Variants in LRP1B observed in about 807,000 individuals in gnomAD.
LRP1B encodes the protein LDL receptor related protein 1B, also known as low-density lipoprotein receptor-related protein 1B.
In LRP1B, 217 loss-of-function variants were observed where a neutral mutation model predicts 556.6. That is an observed-to-expected ratio of 0.39 (90% CI 0.35 to 0.44). The LOEUF is 0.44. Among genes scored for constraint, LRP1B ranks in the 20% least tolerant of loss-of-function variants. LRP1B has a pLI of 1.00. For missense variants in LRP1B, 5,053 were observed against 5,620.8 expected, an observed-to-expected ratio of 0.90 and a Z score of 3.23; for synonymous variants, 2,047 against 1,865.8, an observed-to-expected ratio of 1.10 and a Z score of -2.50.
intron 21 of LRP1B, among the ~76,000 whole-genome samples, chr2:140,919,520 G>A (rs1224240380): frequency 6.6e-6 from 1 of 151,922 alleles, no homozygotes; most frequent in African/African-American, 2.4e-5. Context: ...TTCTTTCCAG[G>A]TTCTGATTTC....
intron 32 of LRP1B, among the ~76,000 whole-genome samples, chr2:140,779,448 G>C (rs1238153837): frequency 1.3e-5 from 2 of 152,130 alleles, no homozygotes; most frequent in Non-Finnish European, 2.9e-5. Flanking sequence ...TGTAATCCCA[G>C]CACTTTGGGA....
intron 2 of LRP1B, among the ~76,000 whole-genome samples, chr2:141,546,754 C>T (rs1336929962): frequency 1.3e-5 from 2 of 152,162 alleles, no homozygotes; most frequent in African/African-American, 4.8e-5. Flanking sequence ...TCTTTATCCT[C>T]CTTAAATCAT....
intron 3 of LRP1B, among the ~76,000 whole-genome samples, chr2:141,330,094 G>C (rs1462864905): frequency 6.6e-6 from 1 of 152,060 alleles, no homozygotes; most frequent in Non-Finnish European, 1.5e-5. Flanking sequence ...AGGGTTGTGG[G>C]CATTATTATG....
In LRP1B at chr2:140,776,116, C is replaced by A. The variant is rs1689489096; in HGVS notation, c.5482G>T (p.Asp1828Tyr). 1.3e-6 allele frequency: 2 copies of A among 1,565,298 alleles called. No individual in the cohort carries two copies. The highest frequency in any genetic ancestry group is 1.7e-6 in the Non-Finnish European group (2 of 1,162,024). Residue 1828 changes from aspartate to tyrosine, a missense_variant, in exon 33 of 91, where the codon GAT becomes TAT. Asp to Tyr is a radical substitution (Grantham distance 160). This residue lies in a region of LRP1B where 3,619 missense variants were observed against 3,931.9 expected (regional missense o/e 0.92). Transcript: ENST00000389484. ...GATTTACCTTGCTGTGCTTCTTTAT[C>A]ATAGACTTTCATATGAACTACCCCA... is the stretch of plus-strand genomic sequence containing the variant. ...TSGVVHMKVYDKEAQQGSNSC... is the reference protein window; with the variant it reads ...TSGVVHMKVYYKEAQQGSNSC...
intron 2 of LRP1B, among the ~76,000 whole-genome samples, chr2:141,660,179 G>T (rs1690159827): frequency 1.3e-5 from 2 of 152,172 alleles, no homozygotes; most frequent in African/African-American, 4.8e-5. Flanking sequence ...CCCACAGAGA[G>T]TGAGGAAAAG....
chr2:140,525,738 T>C (rs1225880518), intron 49 of LRP1B, 106 bp downstream of exon 49: 2 of 987,074 alleles, frequency 2.0e-6, no homozygotes, highest in African/African-American at 3.3e-5. Flanking sequence ...AATTTTAATG[T>C]CAATAATTGA....
intron 66 of LRP1B, among the ~76,000 whole-genome samples, chr2:140,405,960 G>A (rs567488584): frequency 1.6e-4 from 25 of 152,072 alleles, no homozygotes; most frequent in Non-Finnish European, 3.2e-4. Context: ...CCAGATAATC[G>A]AATCCAATAG....
rs754725657 is a variant in LRP1B, at chr2:140,406,727, T to C, written c.10415-20718A>G. 5.2e-4 allele frequency among the ~76,000 whole-genome samples: 79 copies of C among 152,266 alleles called. 1 individual carries two copies. Among genetic ancestry groups the C allele is most frequent in the Non-Finnish European group, 5.7e-4 (39 of 67,970 alleles). Reference sequence around the variant, plus strand: ...AATATGTAAACCCAGCCCATGTTCATGGATGGAAAGAATGAATGTTGTGAA... The same window carrying C: ...AATATGTAAACCCAGCCCATGTTCACGGATGGAAAGAATGAATGTTGTGAA... On this transcript the variant is annotated intron_variant, in intron 66 of 90. Coordinates refer to ENST00000389484, the MANE Select transcript of LRP1B (RefSeq NM_018557.3).
intron 2 of LRP1B, 110 bp downstream of exon 2, chr2:141,810,155 AAGAAAGAAAGAAGG>A: frequency 2.2e-6 from 1 of 457,154 alleles, no homozygotes; most frequent in African/African-American, 5.0e-5. Flanking sequence ...GAAAGAAAGA[AAGAAAGAAAGAAGG>A]AAAGAAAGAA....
Position 140,540,977 on chromosome 2 carries a change from A to G in LRP1B, c.7509T>C (p.Cys2503=), listed in dbSNP as rs1309254710. The G allele has an allele frequency of 1.2e-6, 2 of 1,607,570 alleles. No homozygotes were observed. Among genetic ancestry groups the G allele is most frequent in the Non-Finnish European group, 1.7e-6 (2 of 1,176,860 alleles). ...ATTTCAATTCCCTTTACTTACTCAC[A>G]CATCTGTTGTCCTCTAGCAATATTC... ...GDRILLEDNR[C]VTKNSSCNAY... Residue 2503 remains cysteine, a synonymous_variant, in exon 45 of 91, where the codon TGT becomes TGC. Transcript: ENST00000389484.
intron 7 of LRP1B, among the ~76,000 whole-genome samples, chr2:141,098,013 C>CA (rs1455945588): frequency 4.6e-5 from 7 of 152,114 alleles, no homozygotes; most frequent in African/African-American, 1.4e-4. Context: ...GCAGACAATA[C>CA]AGCTTTGTTA....
chr2:141,243,730 G>A (rs538265790), intron 5 of LRP1B, among the ~76,000 whole-genome samples: 76 of 152,250 alleles, frequency 5.0e-4, no homozygotes, highest in African/African-American at 1.6e-3. Flanking sequence ...TACCATTGAA[G>A]TTCCTCCCAA....
At chr2:140,535,227 C>T (rs1690897396) in intron 46 of LRP1B, among the ~76,000 whole-genome samples, 1 of 152,132 alleles carries the variant, frequency 6.6e-6, no homozygotes, top group African/African-American at 2.4e-5. Flanking sequence ...TATCATCTGA[C>T]TTCTACAAAG....
At chr2:141,327,571 T>C (rs1261654194) in intron 3 of LRP1B, among the ~76,000 whole-genome samples, 1 of 152,220 alleles carries the variant, frequency 6.6e-6, no homozygotes, top group South Asian at 2.1e-4. Flanking sequence ...CATCATGTTA[T>C]GCCTATTCCA....
At chr2:142,015,991 C>CAAAATAAA (rs1703115922) in intron 1 of LRP1B, among the ~76,000 whole-genome samples, 1 of 38,790 alleles carries the variant, frequency 2.6e-5, no homozygotes, top group Non-Finnish European at 4.2e-5. Context: ...GACTCCATCT[C>CAAAATAAA]AAAAAAAAAA....
chr2:141,281,350 T>C (rs1685501675), intron 3 of LRP1B, among the ~76,000 whole-genome samples: 1 of 152,004 alleles, frequency 6.6e-6, no homozygotes, highest in East Asian at 1.9e-4. Context: ...TATAACTCTG[T>C]CTAGATTATA....
intron 2 of LRP1B, among the ~76,000 whole-genome samples, chr2:141,704,523 A>T (rs566761026): frequency 6.6e-6 from 1 of 152,086 alleles, no homozygotes; most frequent in East Asian, 1.9e-4. Context: ...AGAGAACCAC[A>T]TAAGTTCAAT....
intron 2 of LRP1B, among the ~76,000 whole-genome samples, chr2:141,803,540 A>G (rs1696078892): frequency 2.0e-5 from 3 of 152,092 alleles, no homozygotes; most frequent in Admixed American, 2.0e-4. Flanking sequence ...CATGGGTCTC[A>G]TATGCTTTCC....
intron 1 of LRP1B, among the ~76,000 whole-genome samples, chr2:142,044,748 A>G (rs1380697072): frequency 6.6e-6 from 1 of 151,114 alleles, no homozygotes; most frequent in East Asian, 2.0e-4. Context: ...GGGCATTCTG[A>G]TACAGAAGCA....
Sources: allele counts gnomAD v4.1 joint callset (sites outside exome capture counted in the v4.1 genomes callset), GRCh38; gene constraint gnomAD v4.1.1; regional missense constraint gnomAD v4.1.1; transcripts MANE v1.5; gene names NCBI Gene and HGNC (gene_info 2026-07-23, HGNC 2026-07-21).